DGKD: variants seen among roughly 807,000 people sequenced by gnomAD.
The protein encoded by DGKD is diacylglycerol kinase delta.
A neutral mutation model predicts 154.4 loss-of-function variants in DGKD; 68 were observed. The ratio of observed to expected loss-of-function variants is 0.44; its 90% confidence interval spans 0.36 to 0.54. DGKD has a LOEUF of 0.54. Ranked by LOEUF, DGKD falls within the 20% of genes least tolerant of loss-of-function variation. The pLI is 0.00. For synonymous variants in DGKD, 693 were observed against 638.0 expected (o/e 1.09, Z -1.30); for missense variants, 1,343 against 1,593.6 (o/e 0.84, Z 2.68).
intron 3 of DGKD, among the ~76,000 whole-genome samples, chr2:233,421,792 TTA>T (rs1318353789): frequency 6.6e-6 from 1 of 152,244 alleles, no homozygotes; most frequent in East Asian, 1.9e-4. Context: ...ATTCACTTCT[TTA>T]ATAAGTCTTT....
intron 3 of DGKD, among the ~76,000 whole-genome samples, chr2:233,396,573 G>A (rs896844928): frequency 5.3e-5 from 8 of 152,184 alleles, no homozygotes; most frequent in Admixed American, 3.3e-4. Flanking sequence ...AGCAGTACAT[G>A]GTGCCTGATA....
At chr2:233,377,648 G>A (rs1702649579) in intron 1 of DGKD, among the ~76,000 whole-genome samples, 1 of 152,104 alleles carries the variant, frequency 6.6e-6, no homozygotes, top group Non-Finnish European at 1.5e-5. Flanking sequence ...TTTTGGGATA[G>A]ATTCCTAGGA....
In DGKD at chr2:233,417,523, C is replaced by T. The variant is rs528440342; in HGVS notation, c.349-16857C>T. Among the ~76,000 whole-genome samples, 11 of 152,176 alleles carry T rather than the reference C, an allele frequency of 7.2e-5. No homozygotes were observed. In the East Asian group the frequency reaches 2.1e-3, roughly 29 times the overall value. ...GACTTCTTTTTACTTTTATTGTGCC[C>T]TTTTGTAGAGTATGAGGGTTTTTAG... is the stretch of plus-strand genomic sequence containing the variant. On this transcript the variant is annotated intron_variant, in intron 3 of 29. Transcript: ENST00000264057.
intron 3 of DGKD, among the ~76,000 whole-genome samples, chr2:233,411,077 C>T (rs1409770219): frequency 1.3e-5 from 2 of 151,930 alleles, no homozygotes; most frequent in East Asian, 3.9e-4. Context: ...ATGCATATTC[C>T]AGCATTTGTC....
intron 1 of DGKD, among the ~76,000 whole-genome samples, chr2:233,367,059 C>T (rs975502889): frequency 2.0e-5 from 3 of 152,088 alleles, no homozygotes; most frequent in Admixed American, 2.0e-4. Flanking sequence ...CATTTATGAC[C>T]TTCCTTTTGG....
At chr2:233,464,363 G>A (rs1006449470) in intron 27 of DGKD, 80 bp downstream of exon 27, 19 of 1,558,282 alleles carry the variant, frequency 1.2e-5, no homozygotes, top group Non-Finnish European at 1.6e-5. Flanking sequence ...CTTGTGACCC[G>A]TGTGGCTCTG....
At position 233,457,736 on chromosome 2, in the gene DGKD, G is replaced by C. The variant is rs369719716; in HGVS notation, c.2580+408G>C. 0.011 allele frequency: 4,280 copies of C among 380,432 alleles called. 192 individuals are homozygous for C. The highest frequency in any genetic ancestry group is 0.082 in the South Asian group (4,143 of 50,516). 23.6% of individuals were successfully genotyped at this position (380,432 alleles called of 1,614,324 possible). On this transcript the variant is annotated intron_variant, in intron 21 of 29. Coordinates refer to ENST00000264057, the MANE Select transcript of DGKD (RefSeq NM_152879.3). This position sits in a 1 kb window ranked among gnomAD's most constrained non-coding sequence, Gnocchi z 5.5. ...GTCAAGACAGGGCAGGCACATGGAG[G>C]ATGGGAGAGAGGTGCCCCGACTGCA...
At chr2:233,433,996 G>T (rs988894141) in intron 3 of DGKD, among the ~76,000 whole-genome samples, 1 of 152,178 alleles carries the variant, frequency 6.6e-6, no homozygotes, top group Admixed American at 6.5e-5. Flanking sequence ...TCCCTCAACT[G>T]TTCAAATGCT....
chr2:233,422,737 G>C (rs2062160895), intron 3 of DGKD, among the ~76,000 whole-genome samples: 1 of 152,140 alleles, frequency 6.6e-6, no homozygotes, highest in Non-Finnish European at 1.5e-5. Context: ...GTTGATGGTG[G>C]TTACTTATTT....
chr2:233,434,238 C>T, intron 3 of DGKD, 142 bp from the exon 4 acceptor site: 8 of 608,726 alleles, frequency 1.3e-5, no homozygotes, highest in South Asian at 4.8e-5. Flanking sequence ...CCTTGATAAC[C>T]ATTTTTGTTT....
intron 3 of DGKD, among the ~76,000 whole-genome samples, chr2:233,401,368 G>A (rs1005394166): frequency 6.6e-6 from 1 of 152,164 alleles, no homozygotes; most frequent in Admixed American, 6.5e-5. Context: ...TTGGTATGTG[G>A]AAAATTTTCT....
intron 1 of DGKD, among the ~76,000 whole-genome samples, chr2:233,377,311 T>A (rs1422496291): frequency 6.6e-6 from 1 of 152,210 alleles, no homozygotes; most frequent in African/African-American, 2.4e-5. Context: ...CTTGAACTCC[T>A]AACCTCAGGT....
Position 233,380,136 on chromosome 2 carries a change from C to G in DGKD, c.157-8121C>G, listed in dbSNP as rs575254463. On this transcript the variant is annotated intron_variant, in intron 1 of 29. Transcript: ENST00000264057. ...AATACAATCAATGATCCTAGGTAGG[C>G]AATTAGAAATGGGGAGTGAAGGAGG... Among the ~76,000 whole-genome samples the G allele has an allele frequency of 4.5e-3, 692 of 152,220 alleles. 2 individuals are homozygous for G. Among genetic ancestry groups the G allele is most frequent in the African/African-American group, 0.016 (659 of 41,506 alleles).
At chr2:233,466,807 A>C (rs994256970) in intron 27 of DGKD, among the ~76,000 whole-genome samples, 1 of 152,394 alleles carries the variant, frequency 6.6e-6, no homozygotes, top group African/African-American at 2.4e-5. Flanking sequence ...ATTTTCAAAA[A>C]GTTTTTAAAT....
chr2:233,457,326 G>A lies in DGKD; in HGVS notation c.2578G>A (p.Asp860Asn). The change falls in exon 21 of 30, where the codon GAT becomes AAT. Residue 860 changes from aspartate (D) to asparagine (N), a missense_variant and splice_region_variant. By Grantham distance (23) the Asp-to-Asn change is conservative. This residue lies in a region of DGKD where 429 missense variants were observed against 496.3 expected (regional missense o/e 0.86). Transcript: ENST00000264057. The surrounding 1 kb of genome is among the most constrained non-coding windows in gnomAD (Gnocchi z 5.5). ...CTTCTGGGGGGGTACCAAGGAAGAT[G>A]ATGTATGTATGGGGTGTGAGCGGGT... ...TNFWGGTKED[D>N]TFAAPSFDDK... 2 of 1,540,580 alleles carry A rather than the reference G, an allele frequency of 1.3e-6. No homozygotes were observed. Among genetic ancestry groups the A allele is most frequent in the South Asian group, 1.3e-5 (1 of 78,958 alleles).
chr2:233,454,086 G>C (rs1216658185), intron 18 of DGKD, among the ~76,000 whole-genome samples: 1 of 152,224 alleles, frequency 6.6e-6, no homozygotes, highest in Admixed American at 6.5e-5. Context: ...CAGCAGCTCT[G>C]CCGGAGGTTC....
chr2:233,436,707 T>C (rs547154792), intron 7 of DGKD, among the ~76,000 whole-genome samples: 2 of 152,396 alleles, frequency 1.3e-5, no homozygotes, highest in African/African-American at 4.8e-5. Context: ...CATGCGGCAC[T>C]GTAGCCGGGT....
intron 3 of DGKD, among the ~76,000 whole-genome samples, chr2:233,401,364 T>C (rs557992813): frequency 1.3e-5 from 2 of 152,362 alleles, no homozygotes; most frequent in South Asian, 2.1e-4. Context: ...TCATTTGGTA[T>C]GTGGAAAATT....
rs913393751 is a variant in DGKD, at chr2:233,408,906, G to C, written c.348+18423G>C. The C allele has an allele frequency of 2.0e-4, 30 of 152,248 alleles. 1 individual carries two copies. Among genetic ancestry groups the C allele is most frequent in the Non-Finnish European group, 1.5e-5 (1 of 68,068 alleles). The allele number at this position is 152,248 out of a possible 1,614,324, so 9.4% of individuals were successfully genotyped here. ...ATTGGTGGCTGTTTGCTAAGTGTGG[G>C]GTTTTACTGAAGGCAGCACCTGCTT... On this transcript the variant is annotated intron_variant, in intron 3 of 29. Coordinates refer to ENST00000264057, the MANE Select transcript of DGKD (RefSeq NM_152879.3).
Sources: allele counts gnomAD v4.1 joint callset (sites outside exome capture counted in the v4.1 genomes callset), GRCh38; gene constraint gnomAD v4.1.1; regional missense constraint gnomAD v4.1.1; non-coding constraint Gnocchi (gnomAD v3.1); transcripts MANE v1.5; gene names NCBI Gene and HGNC (gene_info 2026-07-23, HGNC 2026-07-21).